The following CACNA2D1 variants were observed in gnomAD, a reference collection of about 807,000 sequenced individuals.
CACNA2D1 encodes the protein voltage-dependent calcium channel subunit alpha-2/delta-1.
A neutral mutation model predicts 171.5 loss-of-function variants in CACNA2D1; 53 were observed. That is an observed-to-expected ratio of 0.31 (90% CI 0.25 to 0.39). The LOEUF (loss-of-function observed/expected upper bound fraction) is 0.39. Among genes scored for constraint, CACNA2D1 ranks in the 10% least tolerant of loss-of-function variants. The pLI is 1.00. For missense variants in CACNA2D1, 903 were observed against 1,299.8 expected (o/e 0.69, Z 4.69); for synonymous variants, 442 against 443.1 (o/e 1.00, Z 0.03).
chr7:82,063,233 T>C (rs761319443), intron 9 of CACNA2D1, among the ~76,000 whole-genome samples: 8 of 152,152 alleles, frequency 5.3e-5, no homozygotes, highest in Non-Finnish European at 8.8e-5. Flanking sequence ...TTATTATACA[T>C]CCAACAGGAT....
intron 29 of CACNA2D1, 26 bp from the exon 30 acceptor site, chr7:81,967,689 A>AAAGGTATAATTAGATGT: frequency 9.2e-7 from 1 of 1,091,934 alleles, no homozygotes; most frequent in Non-Finnish European, 1.4e-6. Flanking sequence ...GAATTAATTC[A>AAAGGTATAATTAGATGT]AAGGTATAAT....
At chr7:82,118,560 G>C (rs1245534563) in intron 5 of CACNA2D1, among the ~76,000 whole-genome samples, 1 of 152,022 alleles carries the variant, frequency 6.6e-6, no homozygotes, top group Non-Finnish European at 1.5e-5. Context: ...ATAATACAAT[G>C]AGAATATATT....
At chr7:82,055,989 C>A (rs1228662638) in intron 10 of CACNA2D1, among the ~76,000 whole-genome samples, 2 of 34,538 alleles carry the variant, frequency 5.8e-5, no homozygotes, top group African/African-American at 2.4e-4. Flanking sequence ...GGTTACATGA[C>A]AATAAACCTA....
chr7:82,177,169 C>A (rs570341434), intron 3 of CACNA2D1, among the ~76,000 whole-genome samples: 1 of 150,410 alleles, frequency 6.6e-6, no homozygotes, highest in Non-Finnish European at 1.5e-5. Context: ...GAGCCTACCA[C>A]CCCAGAATTC....
chr7:82,363,254 C>CTTTTTTT lies in CACNA2D1; in HGVS notation c.96-13612_96-13606dup, dbSNP rs35419275. 1.8e-3 allele frequency among the ~76,000 whole-genome samples: 117 copies of CTTTTTTT among 63,434 alleles called. 22 individuals carry two copies. The highest frequency in any genetic ancestry group is 9.9e-3 in the South Asian group (13 of 1,310). The allele number at this position is 63,434 out of a possible 152,430, so 41.6% of individuals were successfully genotyped here. A position where few individuals can be genotyped will look rare whatever the true frequency, so the allele number is the denominator to read the frequency against. Reference sequence around the variant, plus strand: ...CTACCATAGTTTTATTTATTTGTCTCTTTTTTTTTTTTTTTTTTTTTTTTT... The same window carrying CTTTTTTT: ...CTACCATAGTTTTATTTATTTGTCTCTTTTTTTTTTTTTTTTTTTTTTTTTTTTTTTT... On this transcript the variant is annotated intron_variant, in intron 1 of 38. Transcript: ENST00000356860.
At chr7:82,390,062 G>A (rs1824919589) in intron 1 of CACNA2D1, among the ~76,000 whole-genome samples, 1 of 152,136 alleles carries the variant, frequency 6.6e-6, no homozygotes, top group South Asian at 2.1e-4. Context: ...ATAAAGATGA[G>A]CTCATATTCC....
intron 1 of CACNA2D1, among the ~76,000 whole-genome samples, chr7:82,358,657 T>A (rs1346121275): frequency 2.0e-5 from 3 of 151,644 alleles, no homozygotes; most frequent in Non-Finnish European, 4.4e-5. Context: ...TTCATGTTTC[T>A]CTGCCTTCAT....
intron 6 of CACNA2D1, among the ~76,000 whole-genome samples, chr7:82,086,470 A>C (rs1457154186): frequency 6.6e-6 from 1 of 152,160 alleles, no homozygotes; most frequent in Non-Finnish European, 1.5e-5. Flanking sequence ...CATCTGAGAT[A>C]CTAGAGAATT....
intron 1 of CACNA2D1, among the ~76,000 whole-genome samples, chr7:82,400,662 A>C (rs1407205853): frequency 2.0e-5 from 3 of 152,176 alleles, no homozygotes; most frequent in Non-Finnish European, 2.9e-5. Context: ...CTTCATGCCT[A>C]AAACACCAAA....
chr7:82,268,287 G>A (rs38568), intron 3 of CACNA2D1, among the ~76,000 whole-genome samples: 43,945 of 151,874 alleles, frequency 0.29, 7,064 homozygotes, highest in Non-Finnish European at 0.36. Context: ...GAAGTTTCAC[G>A]GTAAATGTCT....
intron 6 of CACNA2D1, among the ~76,000 whole-genome samples, chr7:82,091,104 G>T (rs1811103679): frequency 6.6e-6 from 1 of 152,130 alleles, no homozygotes; most frequent in Non-Finnish European, 1.5e-5. Context: ...CCACTTTAAG[G>T]AGTAGACAGT....
At chr7:82,106,846 G>A (rs1400718826) in intron 6 of CACNA2D1, among the ~76,000 whole-genome samples, 7 of 152,026 alleles carry the variant, frequency 4.6e-5, no homozygotes, top group Non-Finnish European at 7.4e-5. Flanking sequence ...CAGTGTGCTA[G>A]GATTTATGTG....
intron 1 of CACNA2D1, among the ~76,000 whole-genome samples, chr7:82,415,121 G>A (rs976820253): frequency 6.6e-6 from 1 of 152,118 alleles, no homozygotes; most frequent in Non-Finnish European, 1.5e-5. Context: ...TCCAAACCTG[G>A]AGCAGATCCC....
At chr7:81,950,851 AAATTT>A (rs1335447808) in intron 38 of CACNA2D1, among the ~76,000 whole-genome samples, 5 of 152,080 alleles carry the variant, frequency 3.3e-5, no homozygotes, top group African/African-American at 1.2e-4. Context: ...AATAAATGTA[AAATTT>A]AATAGTAGGT....
chr7:82,126,348 A>C (rs1042823536), intron 5 of CACNA2D1, among the ~76,000 whole-genome samples: 1 of 152,224 alleles, frequency 6.6e-6, no homozygotes. Context: ...ATTTGGAAAT[A>C]AAACATTGTC....
chr7:82,165,728 A>C (rs1017261670), intron 4 of CACNA2D1, among the ~76,000 whole-genome samples: 1 of 151,992 alleles, frequency 6.6e-6, no homozygotes, highest in Non-Finnish European at 1.5e-5. Flanking sequence ...ATAAAGTCTC[A>C]AGACTCTTAA....
Position 82,186,029 on chromosome 7 carries a change from C to T in CACNA2D1, c.295-15420G>A, listed in dbSNP as rs193004182. 4.5e-3 allele frequency among the ~76,000 whole-genome samples: 685 copies of T among 151,936 alleles called. 4 individuals are homozygous for T. The highest frequency in any genetic ancestry group is 0.015 in the African/African-American group (628 of 41,438). On this transcript the variant is annotated intron_variant, in intron 3 of 38. Coordinates refer to ENST00000356860, the MANE Select transcript of CACNA2D1 (RefSeq NM_000722.4). The stretch of plus-strand genomic sequence containing the variant: ...AAAATTAGCTGGGCGTGGTGGTATA[C>T]ACCTGTAATCTCAGCTACTGGGAGG...
intron 38 of CACNA2D1, among the ~76,000 whole-genome samples, chr7:81,955,980 A>ATATATATTTTTTT (rs58075516): frequency 5.8e-5 from 2 of 34,554 alleles, no homozygotes; most frequent in Non-Finnish European, 4.9e-5. Flanking sequence ...ATATATATAT[A>ATATATATTTTTTT]TTTTTTTTTT....
At chr7:82,334,493 T>C (rs976842041) in intron 3 of CACNA2D1, among the ~76,000 whole-genome samples, 22 of 152,126 alleles carry the variant, frequency 1.4e-4, no homozygotes, top group Admixed American at 1.3e-4. Flanking sequence ...AATATTTAAC[T>C]GAATAAAATG....
Sources: allele counts gnomAD v4.1 joint callset (sites outside exome capture counted in the v4.1 genomes callset), GRCh38; gene constraint gnomAD v4.1.1; transcripts MANE v1.5; gene names NCBI Gene and HGNC (gene_info 2026-07-23, HGNC 2026-07-21).